NETO1: variants seen among roughly 807,000 people sequenced by gnomAD.
The protein encoded by NETO1 is neuropilin and tolloid like 1.
NETO1 carries 26 observed loss-of-function variants against 61.3 expected under a neutral mutation model. The ratio of observed to expected loss-of-function variants is 0.42; its 90% confidence interval spans 0.31 to 0.59. NETO1 has a LOEUF of 0.59. Among genes scored for constraint, NETO1 ranks in the 20% least tolerant of loss-of-function variants. The probability of loss-of-function intolerance (pLI) is 0.12; values close to 1 mark genes in which losing one functional copy is unlikely to be tolerated. For missense variants in NETO1, 531 were observed against 662.8 expected, an observed-to-expected ratio of 0.80 and a Z score of 2.18; for synonymous variants, 225 against 225.8, an observed-to-expected ratio of 1.00 and a Z score of 0.03.
chr18:72,769,830 A>G (rs903790588), intron 7 of NETO1, among the ~76,000 whole-genome samples: 1 of 152,110 alleles, frequency 6.6e-6, no homozygotes, highest in African/African-American at 2.4e-5. Flanking sequence ...AATAAAGAGT[A>G]TATGTACATT....
At chr18:72,846,706 G>C (rs1011184986) in intron 4 of NETO1, among the ~76,000 whole-genome samples, 31 of 151,856 alleles carry the variant, frequency 2.0e-4, no homozygotes, top group African/African-American at 7.2e-4. Flanking sequence ...TGATTATTAG[G>C]AGAAAGTCGT....
chr18:72,860,309 T>G (rs1035326159), intron 3 of NETO1, among the ~76,000 whole-genome samples: 4 of 152,220 alleles, frequency 2.6e-5, no homozygotes, highest in African/African-American at 9.6e-5. Flanking sequence ...GCCTGCTCCC[T>G]CTACGGTCAG....
chr18:72,829,523 T>A (rs954349598), intron 4 of NETO1, among the ~76,000 whole-genome samples: 1 of 152,190 alleles, frequency 6.6e-6, no homozygotes, highest in Non-Finnish European at 1.5e-5. Flanking sequence ...ACACCTGGCA[T>A]TTTCTGAACA....
intron 4 of NETO1, among the ~76,000 whole-genome samples, chr18:72,803,078 T>C (rs1406212306): frequency 1.3e-5 from 2 of 152,170 alleles, no homozygotes; most frequent in Non-Finnish European, 2.9e-5. Context: ...TTGGCAGATA[T>C]TTTCTTGAAA....
rs2070411805 is a variant in NETO1 at position 72,745,525 on chromosome 18, C to T, written c.*2654G>A. On this transcript the variant is annotated 3_prime_UTR_variant, in exon 11 of 11. Coordinates refer to ENST00000327305, the MANE Select transcript of NETO1 (RefSeq NM_138966.5). ...CACTTGGGTTGGTAATATTTGAATT[C>T]ACTTTATCAAAAAATATAATCATTT... The T allele has an allele frequency of 6.6e-6, 1 of 152,158 alleles. No homozygotes were observed. Among genetic ancestry groups the T allele is most frequent in the Non-Finnish European group, 1.5e-5 (1 of 68,018 alleles). The allele number at this position is 152,158 out of a possible 1,614,324, so 9.4% of individuals were successfully genotyped here. A position where few individuals can be genotyped will look rare whatever the true frequency, so the allele number is the denominator to read the frequency against.
intron 4 of NETO1, among the ~76,000 whole-genome samples, chr18:72,806,036 G>T (rs886793159): frequency 1.3e-5 from 2 of 152,122 alleles, no homozygotes; most frequent in African/African-American, 4.8e-5. Flanking sequence ...ACTAAATGCT[G>T]CCCCAGGAAA....
intron 4 of NETO1, among the ~76,000 whole-genome samples, chr18:72,858,195 A>C (rs2074462829): frequency 6.6e-6 from 1 of 152,182 alleles, no homozygotes; most frequent in African/African-American, 2.4e-5. Flanking sequence ...CCAGGCAACA[A>C]CACAGGATCT....
chr18:72,852,534 T>C (rs1348236315), intron 4 of NETO1, among the ~76,000 whole-genome samples: 5 of 152,208 alleles, frequency 3.3e-5, no homozygotes, highest in African/African-American at 7.2e-5. Flanking sequence ...TCTTTCTTTA[T>C]GGGAAACTTC....
rs1319238783 is a variant in NETO1, at chr18:72,834,982, T to C, written c.469+23844A>G. ...CAATATAATTTAACACAATATTACA[T>C]AAAATATAATATTATATTAAAAGAT... On this transcript the variant is annotated intron_variant, in intron 4 of 10. Transcript: ENST00000327305. 4.7e-6 allele frequency: 4 copies of C among 846,236 alleles called. No homozygotes were observed. In the East Asian group the frequency reaches 3.7e-4, roughly 77 times the overall value. The allele number at this position is 846,236 out of a possible 1,614,324, so 52.4% of individuals were successfully genotyped here.
At chr18:72,806,680 C>A (rs894401176) in intron 4 of NETO1, among the ~76,000 whole-genome samples, 22 of 152,150 alleles carry the variant, frequency 1.4e-4, no homozygotes, top group African/African-American at 4.8e-4. Context: ...TAACACAACG[C>A]AAACTCCTCC....
intron 4 of NETO1, among the ~76,000 whole-genome samples, chr18:72,801,892 A>G (rs2145318409): frequency 6.6e-6 from 1 of 152,286 alleles, no homozygotes; most frequent in East Asian, 1.9e-4. Flanking sequence ...AGGGGAGATG[A>G]AAAGACTCAC....
At chr18:72,742,314 T>C (rs368791004), downstream of NETO1, 3 of 152,170 alleles carry the variant, frequency 2.0e-5, no homozygotes, top group African/African-American at 7.2e-5. Context: ...CACAGAGTCA[T>C]TGGATTTGGA....
chr18:72,749,377 T>G (rs2070515171), intron 9 of NETO1, among the ~76,000 whole-genome samples: 2 of 152,128 alleles, frequency 1.3e-5, no homozygotes, highest in African/African-American at 4.8e-5. Flanking sequence ...AATTTAAATG[T>G]TTTTTCTCAA....
At chr18:72,850,817 G>A (rs185991121) in intron 4 of NETO1, among the ~76,000 whole-genome samples, 2 of 152,258 alleles carry the variant, frequency 1.3e-5, no homozygotes, top group Admixed American at 6.5e-5. Flanking sequence ...GTGGGTGCTG[G>A]TCATTTGATG....
intron 7 of NETO1, among the ~76,000 whole-genome samples, chr18:72,778,479 G>A (rs140291906): frequency 2.1e-3 from 321 of 152,072 alleles, no homozygotes; most frequent in Non-Finnish European, 3.8e-3. Context: ...GGAGTCAAAC[G>A]TTCTTTCAAC....
chr18:72,796,590 C>T (rs1466660451), intron 4 of NETO1, among the ~76,000 whole-genome samples: 1 of 152,016 alleles, frequency 6.6e-6, no homozygotes, highest in African/African-American at 2.4e-5. Context: ...CATTCTCCTG[C>T]CTCAGCCTCC....
chr18:72,855,287 G>T (rs1037264050), intron 4 of NETO1, among the ~76,000 whole-genome samples: 12 of 152,106 alleles, frequency 7.9e-5, no homozygotes, highest in Admixed American at 7.9e-4. Flanking sequence ...CCTTCTACAA[G>T]CCTCACTCTT....
chr18:72,794,323 CAA>C (rs1464264740), intron 5 of NETO1, 38 bp downstream of exon 5: 1 of 1,613,382 alleles, frequency 6.2e-7, no homozygotes, highest in South Asian at 1.1e-5. Flanking sequence ...TAGCAGAAAA[CAA>C]AGTCTTCTGA....
chr18:72,754,528 T>C (rs557628930), intron 8 of NETO1, among the ~76,000 whole-genome samples: 2 of 152,250 alleles, frequency 1.3e-5, no homozygotes, highest in South Asian at 4.1e-4. Flanking sequence ...ATGTAGTGGC[T>C]ATACTAATGC....
Sources: gnomAD v4.1 joint callset for allele counts (sites outside exome capture counted in the v4.1 genomes callset) on GRCh38, gnomAD v4.1.1 for gene constraint, MANE v1.5 for transcripts, NCBI Gene and HGNC (gene_info 2026-07-23, HGNC 2026-07-21) for gene names.